MIPOL1: variants seen among roughly 807,000 people sequenced by gnomAD.
MIPOL1 encodes mirror-image polydactyly 1, also known as mirror-image polydactyly gene 1 protein.
A neutral mutation model predicts 60.9 loss-of-function variants in MIPOL1; 57 were observed. The ratio of observed to expected loss-of-function variants is 0.94; its 90% CI spans 0.76 to 1.17. The LOEUF (loss-of-function observed/expected upper bound fraction) is 1.17. Among genes scored for constraint, MIPOL1 ranks in the 50% most tolerant of loss-of-function variants. MIPOL1 has a pLI of 0.00. For missense variants in MIPOL1, 551 were observed against 511.6 expected (o/e 1.08, Z -0.74); for synonymous variants, 179 against 168.8 (o/e 1.06, Z -0.47).
intron 1 of MIPOL1, among the ~76,000 whole-genome samples, chr14:37,212,060 A>G (rs1966856188): frequency 6.6e-6 from 1 of 152,008 alleles, no homozygotes; most frequent in Non-Finnish European, 1.5e-5. Context: ...TGCATAATCA[A>G]CAGTGATACC....
At chr14:37,443,174 T>TA (rs1319828882) in intron 11 of MIPOL1, among the ~76,000 whole-genome samples, 1 of 151,970 alleles carries the variant, frequency 6.6e-6, no homozygotes, top group Non-Finnish European at 1.5e-5. Flanking sequence ...ATAGTGGTCA[T>TA]AAAAAGAAAT....
chr14:37,365,500 T>A (rs1249995786), intron 9 of MIPOL1, among the ~76,000 whole-genome samples: 1 of 152,202 alleles, frequency 6.6e-6, no homozygotes, highest in African/African-American at 2.4e-5. Context: ...GTTGATGTGA[T>A]GTATCACATT....
chr14:37,341,102 C>A (rs1432513767), intron 9 of MIPOL1, among the ~76,000 whole-genome samples: 1 of 152,132 alleles, frequency 6.6e-6, no homozygotes, highest in Non-Finnish European at 1.5e-5. Context: ...GTTTGCACAA[C>A]AACAAAATAG....
At chr14:37,359,039 GCTTT>G (rs2092045364) in intron 9 of MIPOL1, among the ~76,000 whole-genome samples, 1 of 152,124 alleles carries the variant, frequency 6.6e-6, no homozygotes. Flanking sequence ...TCCAGTTTCA[GCTTT>G]CTACATATGG....
At chr14:37,243,114 T>G (rs1037797277) in intron 1 of MIPOL1, among the ~76,000 whole-genome samples, 3 of 152,242 alleles carry the variant, frequency 2.0e-5, no homozygotes, top group Admixed American at 2.0e-4. Flanking sequence ...AAAAATATCT[T>G]ACATATTTTT....
chr14:37,255,564 C>T (rs1039994867), intron 3 of MIPOL1, among the ~76,000 whole-genome samples: 4 of 151,490 alleles, frequency 2.6e-5, no homozygotes, highest in Non-Finnish European at 4.4e-5. Flanking sequence ...TGGTTTTATT[C>T]GAATCAAAAC....
At position 37,550,698 on chromosome 14, in the gene MIPOL1, C is replaced by T. The variant is rs1009195134; in HGVS notation, c.*3727C>T. 2.0e-5 allele frequency: 3 copies of T among 152,450 alleles called. No homozygotes were observed. The highest frequency in any genetic ancestry group is 2.0e-4 in the Admixed American group (3 of 15,268). 9.4% of individuals were successfully genotyped at this position (152,450 alleles called of 1,614,324 possible). A position where few individuals can be genotyped will look rare whatever the true frequency, so the allele number is the denominator to read the frequency against. On this transcript the variant is annotated 3_prime_UTR_variant, in exon 13 of 13. Coordinates refer to ENST00000684589, the MANE Select transcript of MIPOL1 (RefSeq NM_001388067.1). The stretch of plus-strand genomic sequence containing the variant: ...GCTCGTGCTTAGCTAAATATGTCAT[C>T]TCTAGAAAAGATGTGGTTTGTTTTG...
intron 3 of MIPOL1, among the ~76,000 whole-genome samples, chr14:37,261,564 G>C (rs1005302862): frequency 6.6e-6 from 1 of 152,046 alleles, no homozygotes; most frequent in African/African-American, 2.4e-5. Context: ...AGAAATTAAA[G>C]ATATAAATTT....
At chr14:37,350,686 T>C (rs2153472521) in intron 9 of MIPOL1, among the ~76,000 whole-genome samples, 1 of 152,224 alleles carries the variant, frequency 6.6e-6, no homozygotes, top group African/African-American at 2.4e-5. Context: ...TTCCTAACTC[T>C]TTTTTTGTAC....
intron 11 of MIPOL1, among the ~76,000 whole-genome samples, chr14:37,467,829 G>A (rs1204900063): frequency 3.9e-5 from 6 of 152,012 alleles, no homozygotes; most frequent in South Asian, 2.1e-4. Flanking sequence ...CTGAGGTGGC[G>A]GATCACCTGA....
Position 37,422,902 on chromosome 14 carries a change from G to A in MIPOL1, c.984G>A (p.Gln328=). The A allele has an allele frequency of 2.5e-6, 4 of 1,609,240 alleles. No homozygotes were observed. The highest frequency in any genetic ancestry group is 1.3e-5 in the African/African-American group (1 of 74,736). The change falls in exon 11 of 13, where the codon CAG becomes CAA. Residue 328 remains glutamine (Q), a synonymous_variant. Coordinates refer to ENST00000684589, the MANE Select transcript of MIPOL1 (RefSeq NM_001388067.1). Reference sequence around the variant, plus strand: ...AAGCCAGAGAAACTGCAGTTCAACAGTACAAAAAACTGGAAGAGGAAATCC... The same window carrying A: ...AAGCCAGAGAAACTGCAGTTCAACAATACAAAAAACTGGAAGAGGAAATCC... ...MQQARETAVQ[Q]YKKLEEEIQT...
intron 7 of MIPOL1, among the ~76,000 whole-genome samples, chr14:37,299,852 G>A (rs972752664): frequency 3.3e-5 from 5 of 152,092 alleles, no homozygotes; most frequent in Admixed American, 1.3e-4. Context: ...ATTGGATTTA[G>A]TTTGTATGTC....
intron 11 of MIPOL1, among the ~76,000 whole-genome samples, chr14:37,473,943 C>T (rs957056612): frequency 6.6e-6 from 1 of 152,144 alleles, no homozygotes; most frequent in East Asian, 1.9e-4. Context: ...TCCTCTGAAT[C>T]CCTAGCAACT....
intron 11 of MIPOL1, among the ~76,000 whole-genome samples, chr14:37,440,666 C>T (rs1356522665): frequency 6.6e-6 from 1 of 152,090 alleles, no homozygotes; most frequent in Non-Finnish European, 1.5e-5. Context: ...TTTCTTTATC[C>T]AGTTATCTAT....
chr14:37,244,853 AAAG>A (rs1972938708), intron 1 of MIPOL1, among the ~76,000 whole-genome samples: 1 of 152,146 alleles, frequency 6.6e-6, no homozygotes, highest in African/African-American at 2.4e-5. Context: ...TTGTCCTAAA[AAAG>A]AAGTATAAAT....
chr14:37,403,799 A>C (rs1473071728), intron 10 of MIPOL1, among the ~76,000 whole-genome samples: 1 of 152,184 alleles, frequency 6.6e-6, no homozygotes, highest in East Asian at 1.9e-4. Context: ...TTAATGCTGG[A>C]AGAACAAGCT....
intron 11 of MIPOL1, among the ~76,000 whole-genome samples, chr14:37,467,432 A>G (rs1361520500): frequency 1.3e-5 from 2 of 152,218 alleles, no homozygotes; most frequent in South Asian, 2.1e-4. Flanking sequence ...TATGATAAAT[A>G]TCATTTTTTA....
At chr14:37,373,409 T>A (rs551502279) in intron 10 of MIPOL1, among the ~76,000 whole-genome samples, 48 of 152,150 alleles carry the variant, frequency 3.2e-4, no homozygotes, top group South Asian at 6.2e-4. Context: ...TTTTTTTTTT[T>A]AAATTATACT....
chr14:37,468,279 A>G (rs2094629285), intron 11 of MIPOL1, among the ~76,000 whole-genome samples: 1 of 152,106 alleles, frequency 6.6e-6, no homozygotes, highest in African/African-American at 2.4e-5. Context: ...CTTAACTGCC[A>G]GGGGGCTTCC....
Sources: gnomAD v4.1 joint callset for allele counts (sites outside exome capture counted in the v4.1 genomes callset) on GRCh38, gnomAD v4.1.1 for gene constraint, MANE v1.5 for transcripts, NCBI Gene and HGNC (gene_info 2026-07-23, HGNC 2026-07-21) for gene names.